Variants in PRKD2 observed in about 807,000 individuals in gnomAD.
The protein encoded by PRKD2 is protein kinase D2, also known as serine/threonine-protein kinase D2.
A neutral mutation model predicts 86.0 loss-of-function variants in PRKD2; 22 were observed. That is an observed-to-expected ratio of 0.26 (90% confidence interval 0.18 to 0.37). The LOEUF (loss-of-function observed/expected upper bound fraction) is 0.37. Among genes scored for constraint, PRKD2 ranks in the 10% least tolerant of loss-of-function variants. PRKD2 has a pLI of 1.00. For synonymous variants in PRKD2, 509 were observed against 510.9 expected (o/e 1.00, Z 0.05); for missense variants, 818 against 1,199.2 (o/e 0.68, Z 4.70).
chr19:46,688,095 G>A (rs192996634), intron 14 of PRKD2, among the ~76,000 whole-genome samples: 101 of 151,838 alleles, frequency 6.7e-4, no homozygotes, highest in African/African-American at 1.7e-3. Flanking sequence ...TCACTATGTC[G>A]CCTAGGCTGG....
chr19:46,695,732 AGGAG>A (rs1027419450), intron 9 of PRKD2, among the ~76,000 whole-genome samples: 28 of 152,196 alleles, frequency 1.8e-4, no homozygotes, highest in African/African-American at 6.8e-4. Flanking sequence ...CAAAAGAGGA[AGGAG>A]GGAGGTAGGA....
In PRKD2 at chr19:46,707,756, T is replaced by C. The variant is rs1446990115; in HGVS notation, c.512-3107A>G. Among the ~76,000 whole-genome samples the C allele has an allele frequency of 2.0e-5, 3 of 152,274 alleles. No individual in the cohort carries two copies. In the South Asian group the frequency reaches 6.2e-4, roughly 32 times the overall value. On this transcript the variant is annotated intron_variant, in intron 3 of 17. Coordinates refer to ENST00000291281, the MANE Select transcript of PRKD2 (RefSeq NM_016457.5). ...GAATAACAGGGACAGAGGACCTATATAGATCTTGACACTTGGGCTGAACCT... is the reference window on the plus strand; with the variant it reads ...GAATAACAGGGACAGAGGACCTATACAGATCTTGACACTTGGGCTGAACCT...
Position 46,689,707 on chromosome 19 carries a change from T to G in PRKD2, c.1810-9A>C, listed in dbSNP as rs757511779. ...CCGGGATGCCGCAGGCTCTGCAGGG[T>G]GGGGAGCGGGGTCAGGGCCCAGGTA... On this transcript the variant is annotated splice_polypyrimidine_tract_variant and intron_variant, in intron 13 of 17. Coordinates refer to ENST00000291281, the MANE Select transcript of PRKD2 (RefSeq NM_016457.5). 6.2e-7 allele frequency: 1 copy of G among 1,613,610 alleles called. No individual in the cohort carries two copies. Among genetic ancestry groups the G allele is most frequent in the South Asian group, 1.1e-5 (1 of 91,046 alleles).
Position 46,704,562 on chromosome 19 carries a change from G to T in PRKD2, c.599C>A (p.Ser200Tyr). 1 of 1,614,140 alleles carries T rather than the reference G, an allele frequency of 6.2e-7. No homozygotes were observed. Among genetic ancestry groups the T allele is most frequent in the South Asian group, 1.1e-5 (1 of 91,080 alleles). Residue 200 changes from serine to tyrosine, a missense_variant, in exon 4 of 18, where the codon TCT (serine) becomes TAT (tyrosine). By Grantham distance (144) the Ser-to-Tyr change is moderately radical. Around this residue, in one of 5 missense-constraint regions of PRKD2, gnomAD observed 403 missense variants for 518.6 expected, o/e 0.78. Transcript: ENST00000291281. ...GCGCACCGAGTGGCCACTGGCCAGA[G>T]ACGTGGATGACAGGCGCCGTTTGCG... ...GARKRRLSST[S>Y]LASGHSVRLG...
intron 9 of PRKD2, 86 bp from the exon 10 acceptor site, chr19:46,694,219 T>A: frequency 6.5e-7 from 1 of 1,531,808 alleles, no homozygotes; most frequent in African/African-American, 1.4e-5. Context: ...ACGGGATCCA[T>A]GTTGATAGGG....
At chr19:46,687,452 A>C (rs2053418436) in intron 14 of PRKD2, among the ~76,000 whole-genome samples, 1 of 152,118 alleles carries the variant, frequency 6.6e-6, no homozygotes, top group African/African-American at 2.4e-5. Context: ...AACACAAATG[A>C]GTTTGACATC....
rs375036183 is a variant in PRKD2, at chr19:46,698,340, G to A, written c.1122-490C>T. ...GGCCTCCCAGAGTGCTTACAGGTGT[G>A]AGCCACCACGCTGGCCCAGAAGGAG... On this transcript the variant is annotated intron_variant, in intron 7 of 17. Coordinates refer to ENST00000291281, the MANE Select transcript of PRKD2 (RefSeq NM_016457.5). Among the ~76,000 whole-genome samples the A allele has an allele frequency of 4.6e-5, 7 of 152,244 alleles. No homozygotes were observed. In the East Asian group the frequency reaches 1.4e-3, roughly 29 times the overall value.
intron 2 of PRKD2, 146 bp from the exon 3 acceptor site, chr19:46,711,184 G>C: frequency 2.5e-6 from 3 of 1,216,448 alleles, no homozygotes; most frequent in Non-Finnish European, 3.4e-6. Context: ...ACTACATTCT[G>C]CCTGGGTTCA....
At chr19:46,714,325 A>T in intron 1 of PRKD2, 2 of 1,077,754 alleles carry the variant, frequency 1.9e-6, no homozygotes, top group African/African-American at 1.7e-5. Context: ...CTGAATGAAC[A>T]CTCCCTCCCC....
At chr19:46,709,848 C>T (rs1421451336) in intron 3 of PRKD2, among the ~76,000 whole-genome samples, 1 of 152,074 alleles carries the variant, frequency 6.6e-6, no homozygotes, top group East Asian at 1.9e-4. Context: ...TGAGTTCCCA[C>T]TTGCCCTTCC....
At chr19:46,709,039 C>T (rs2053763049) in intron 3 of PRKD2, among the ~76,000 whole-genome samples, 2 of 148,430 alleles carry the variant, frequency 1.3e-5, no homozygotes, top group African/African-American at 2.5e-5. Context: ...TGCAGTGGCA[C>T]GATCTCGGCT....
intron 2 of PRKD2, among the ~76,000 whole-genome samples, chr19:46,712,532 C>T (rs1383153494): frequency 1.3e-5 from 2 of 152,120 alleles, no homozygotes; most frequent in Non-Finnish European, 2.9e-5. Flanking sequence ...CAGAGCGAGA[C>T]TCCGTCTAAA....
rs201225333 is a variant in PRKD2 at position 46,678,410 on chromosome 19, T to C, written c.2324A>G (p.His775Arg). The C allele has an allele frequency of 6.8e-6, 11 of 1,614,128 alleles. No individual in the cohort carries two copies. The highest frequency in any genetic ancestry group is 2.2e-5 in the East Asian group (1 of 44,866). Residue 775 changes from histidine (H) to arginine (R), a missense_variant, in exon 16 of 18, where the codon CAC (histidine) becomes CGC (arginine). Around this residue, in one of 5 missense-constraint regions of PRKD2, gnomAD observed 132 missense variants for 146.2 expected, o/e 0.90. Transcript: ENST00000291281. The surrounding 1 kb of genome is among the most constrained non-coding windows in gnomAD (Gnocchi z 5.7). ...AFMYPASPWS[H>R]ISAGAIDLIN... is the part of the protein sequence containing the mutation. ...GCCCCAGGCACCTCCAGCTGAGATG[T>C]GGCTCCAGGGGCTGGCCGGGTACAT...
At chr19:46,701,636 G>C (rs2053636597) in intron 5 of PRKD2, among the ~76,000 whole-genome samples, 1 of 150,520 alleles carries the variant, frequency 6.6e-6, no homozygotes, top group South Asian at 2.1e-4. Context: ...TTACAGGCGT[G>C]AGCCACCGCG....
chr19:46,707,378 G>T (rs2053729160), intron 3 of PRKD2, among the ~76,000 whole-genome samples: 1 of 152,048 alleles, frequency 6.6e-6, no homozygotes, highest in African/African-American at 2.4e-5. Flanking sequence ...GGCTGAGGAG[G>T]GTGGATTACT....
chr19:46,697,395 C>T, intron 8 of PRKD2, 161 bp from the exon 9 acceptor site: 1 of 608,322 alleles, frequency 1.6e-6, no homozygotes, highest in Admixed American at 3.0e-5. Flanking sequence ...ACGCCCTAAC[C>T]CCAGCCCCGC....
Position 46,697,157 on chromosome 19 carries a change from C to T in PRKD2, c.1317G>A (p.Lys439=), listed in dbSNP as rs1328768065. ...GGGAGCTGAAAGCCCGGAGGCTTACCTTATAGTATCTGTTGGTCGTGTTGT... is the reference window on the plus strand; with the variant it reads ...GGGAGCTGAAAGCCCGGAGGCTTACTTTATAGTATCTGTTGGTCGTGTTGT... ...FQNNTTNRYY[K]EIPLSEILTV... The change falls in exon 9 of 18, where the codon AAG becomes AAA. Residue 439 remains lysine, a splice_region_variant and synonymous_variant. Coordinates refer to ENST00000291281, the MANE Select transcript of PRKD2 (RefSeq NM_016457.5). The T allele has an allele frequency of 6.4e-7, 1 of 1,573,578 alleles. No individual in the cohort carries two copies. Among genetic ancestry groups the T allele is most frequent in the African/African-American group, 1.4e-5 (1 of 73,894 alleles).
chr19:46,709,423 G>A (rs930188218), intron 3 of PRKD2: 2 of 155,820 alleles, frequency 1.3e-5, no homozygotes, highest in African/African-American at 4.8e-5. Context: ...GAGTGTAATG[G>A]TGCAATCTCA....
rs541767090 is a variant in PRKD2 at position 46,691,544 on chromosome 19, A to G, written c.1702+191T>C. Among the ~76,000 whole-genome samples the G allele has an allele frequency of 5.9e-5, 9 of 152,298 alleles. No individual in the cohort carries two copies. In the South Asian group the frequency reaches 1.2e-3, roughly 21 times the overall value. ...CCTATTAATAACAGGAGGAATGTCC[A>G]TTGGTTTTTCCCAATGAGAAAAGGA... On this transcript the variant is annotated intron_variant, in intron 12 of 17. Transcript: ENST00000291281.
Sources: gnomAD v4.1 joint callset for allele counts (sites outside exome capture counted in the v4.1 genomes callset) on GRCh38, gnomAD v4.1.1 for gene constraint, gnomAD v4.1.1 regional missense constraint, Gnocchi (gnomAD v3.1) non-coding constraint, MANE v1.5 for transcripts, NCBI Gene and HGNC (gene_info 2026-07-23, HGNC 2026-07-21) for gene names.